The following EBF1 variants were observed in gnomAD, a reference collection of about 807,000 sequenced individuals.
EBF1 encodes the protein transcription factor COE1.
Under a neutral mutation model 68.4 loss-of-function variants are expected in EBF1, and 10 were observed. The observed-to-expected ratio is 0.15, with a 90% CI of 0.09 to 0.25. The LOEUF (loss-of-function observed/expected upper bound fraction) is 0.25, where lower values mean the gene tolerates loss of function less well. EBF1 is among the 10% of genes least tolerant of loss of function. The pLI, the probability that EBF1 is intolerant of heterozygous loss-of-function variation, is 1.00. For synonymous variants in EBF1, 298 were observed against 299.8 expected, an observed-to-expected ratio of 0.99 and a Z score of 0.06; for missense variants, 509 against 794.4, an observed-to-expected ratio of 0.64 and a Z score of 4.32.
At chr5:159,036,324 C>CA (rs1770054540) in intron 6 of EBF1, among the ~76,000 whole-genome samples, 1 of 151,646 alleles carries the variant, frequency 6.6e-6, no homozygotes, top group Non-Finnish European at 1.5e-5. Flanking sequence ...CATATGGAAC[C>CA]AAAAAAGAGC....
At chr5:159,078,643 G>A (rs1413908315) in intron 5 of EBF1, among the ~76,000 whole-genome samples, 1 of 152,134 alleles carries the variant, frequency 6.6e-6, no homozygotes, top group Non-Finnish European at 1.5e-5. Flanking sequence ...GATTTTAAAA[G>A]CAGGCCACTG....
At chr5:158,730,303 T>C (rs1364252502) in intron 11 of EBF1, among the ~76,000 whole-genome samples, 1 of 152,198 alleles carries the variant, frequency 6.6e-6, no homozygotes, top group Non-Finnish European at 1.5e-5. Flanking sequence ...TAATGTGCTA[T>C]TATTTTTATG....
intron 7 of EBF1, among the ~76,000 whole-genome samples, chr5:158,833,462 C>A (rs1788054701): frequency 6.6e-6 from 1 of 152,144 alleles, no homozygotes; most frequent in African/African-American, 2.4e-5. Flanking sequence ...GGCAATTATT[C>A]TACATACATC....
chr5:158,839,261 C>T (rs899022467), intron 7 of EBF1, among the ~76,000 whole-genome samples: 1 of 152,176 alleles, frequency 6.6e-6, no homozygotes, highest in Non-Finnish European at 1.5e-5. Context: ...AGGCAGCTAC[C>T]ACTAACAATT....
At chr5:158,771,803 G>A (rs1247498251) in intron 10 of EBF1, among the ~76,000 whole-genome samples, 1 of 152,140 alleles carries the variant, frequency 6.6e-6, no homozygotes, top group Admixed American at 6.6e-5. Flanking sequence ...ATTTCACAAT[G>A]AAGAGACTGG....
At chr5:159,078,219 G>A (rs1226474770) in intron 5 of EBF1, among the ~76,000 whole-genome samples, 2 of 152,282 alleles carry the variant, frequency 1.3e-5, no homozygotes, top group East Asian at 3.9e-4. Flanking sequence ...GCCCATGTGA[G>A]TTCTCCCTTT....
chr5:159,009,198 C>T (rs1245105397), intron 6 of EBF1, among the ~76,000 whole-genome samples: 2 of 152,220 alleles, frequency 1.3e-5, no homozygotes, highest in African/African-American at 4.8e-5. Flanking sequence ...TTGAAGATCT[C>T]ATATTAAAAC....
At chr5:159,096,247 C>A in intron 3 of EBF1, 96 bp downstream of exon 3, 1 of 1,313,990 alleles carries the variant, frequency 7.6e-7, no homozygotes, top group Non-Finnish European at 1.1e-6. Flanking sequence ...GGATGACTGA[C>A]CTTCGCTGGA....
intron 6 of EBF1, among the ~76,000 whole-genome samples, chr5:158,994,493 G>A (rs1054613096): frequency 3.3e-5 from 5 of 152,156 alleles, no homozygotes; most frequent in Non-Finnish European, 7.3e-5. Flanking sequence ...CACAACCTGC[G>A]GAGCTGTCAC....
At chr5:158,906,069 T>G (rs1804518190) in intron 6 of EBF1, among the ~76,000 whole-genome samples, 1 of 152,118 alleles carries the variant, frequency 6.6e-6, no homozygotes, top group Non-Finnish European at 1.5e-5. Flanking sequence ...TTGCCACCAA[T>G]ATACCTAGGT....
chr5:158,769,169 G>T (rs888513832), intron 10 of EBF1, among the ~76,000 whole-genome samples: 1 of 152,102 alleles, frequency 6.6e-6, no homozygotes, highest in Non-Finnish European at 1.5e-5. Context: ...CCTACTGTAC[G>T]GTTTCATTGG....
At chr5:158,821,155 T>A (rs1183289044) in intron 8 of EBF1, among the ~76,000 whole-genome samples, 2 of 152,134 alleles carry the variant, frequency 1.3e-5, no homozygotes, top group African/African-American at 4.8e-5. Flanking sequence ...GATTTTTTTT[T>A]AAACTCTCCT....
In EBF1 at chr5:159,084,169, G is replaced by GA. The variant is rs968232385; in HGVS notation, c.485+496dup. On this transcript the variant is annotated intron_variant, in intron 5 of 15. Transcript: ENST00000313708. ...AATAAGAGGTGAGATGCAAGAGGAAGAAAAAAAAAACCCACATGCAATTTA... is the reference window on the plus strand; with the variant it reads ...AATAAGAGGTGAGATGCAAGAGGAAGAAAAAAAAAAACCCACATGCAATTTA... 3.0e-3 allele frequency among the ~76,000 whole-genome samples: 439 copies of GA among 147,190 alleles called. 5 individuals carry two copies. Among genetic ancestry groups the GA allele is most frequent in the African/African-American group, 9.9e-3 (398 of 40,172 alleles).
chr5:158,782,831 G>A (rs1048810542), intron 9 of EBF1, among the ~76,000 whole-genome samples: 1 of 152,046 alleles, frequency 6.6e-6, no homozygotes, highest in Non-Finnish European at 1.5e-5. Context: ...GTCCAGGTGA[G>A]TCTACTGTTC....
intron 6 of EBF1, among the ~76,000 whole-genome samples, chr5:158,962,766 G>T (rs1057214430): frequency 1.3e-5 from 2 of 152,156 alleles, no homozygotes; most frequent in Admixed American, 6.6e-5. Flanking sequence ...GACTAAAAAG[G>T]TATAGGACTT....
At chr5:158,950,134 C>G (rs182271788) in intron 6 of EBF1, among the ~76,000 whole-genome samples, 58 of 152,318 alleles carry the variant, frequency 3.8e-4, no homozygotes, top group Admixed American at 3.5e-3. Flanking sequence ...CCATGCTCTT[C>G]TATTTCCTGG....
chr5:159,007,975 T>C (rs1763885154), intron 6 of EBF1, among the ~76,000 whole-genome samples: 1 of 152,216 alleles, frequency 6.6e-6, no homozygotes, highest in African/African-American at 2.4e-5. Flanking sequence ...CTTTCTACCA[T>C]AGCATACCAA....
intron 5 of EBF1, among the ~76,000 whole-genome samples, chr5:159,080,977 A>T (rs1032064232): frequency 6.6e-6 from 1 of 152,050 alleles, no homozygotes; most frequent in Non-Finnish European, 1.5e-5. Context: ...GGTCCAGTAC[A>T]TTTTTTTGTT....
intron 8 of EBF1, among the ~76,000 whole-genome samples, chr5:158,801,164 A>G (rs1780511647): frequency 6.6e-6 from 1 of 152,010 alleles, no homozygotes; most frequent in South Asian, 2.1e-4. Flanking sequence ...ACCCTACCAC[A>G]GTTTAGCATA....
Sources: gnomAD v4.1 joint callset for allele counts (sites outside exome capture counted in the v4.1 genomes callset) on GRCh38, gnomAD v4.1.1 for gene constraint, MANE v1.5 for transcripts, NCBI Gene and HGNC (gene_info 2026-07-23, HGNC 2026-07-21) for gene names.